C1QTNF6: variants seen among roughly 807,000 people sequenced by gnomAD.
The protein encoded by C1QTNF6 is C1q and TNF related 6.
A neutral mutation model predicts 20.7 loss-of-function variants in C1QTNF6; 17 were observed. That is an observed-to-expected ratio of 0.82 (90% CI 0.56 to 1.23). The LOEUF is 1.23. Ranked by LOEUF, C1QTNF6 falls within the 50% of genes most tolerant of loss-of-function variation. C1QTNF6 has a pLI of 0.00. For missense variants in C1QTNF6, 329 were observed against 389.7 expected (o/e 0.84, Z 1.31); for synonymous variants, 130 against 156.3 (o/e 0.83, Z 1.25).
chr22:37,189,968 T>C (rs1410973906), upstream of C1QTNF6, among the ~76,000 whole-genome samples: 1 of 152,216 alleles, frequency 6.6e-6, no homozygotes, highest in Admixed American at 6.5e-5. Flanking sequence ...ACGGAGTTGC[T>C]AGACGATTCC....
In C1QTNF6 at chr22:37,182,559, TG is replaced by T. The variant is rs1569062982; in HGVS notation, c.465del (p.His155GlnfsTer16). The T allele has an allele frequency of 1.2e-6, 2 of 1,614,178 alleles. No individual in the cohort carries two copies. Among genetic ancestry groups the T allele is most frequent in the Non-Finnish European group, 1.7e-6 (2 of 1,180,042 alleles). On this transcript the variant is annotated frameshift_variant, in exon 3 of 3. Transcript: ENST00000337843. LOFTEE classifies it high-confidence loss of function. ...AGCAGCGTCTGGAAGTCCTCGCCGCTGTGCAGGGCCGTCTTGCGGCCCACTG... is the reference window on the plus strand; with the variant it reads ...AGCAGCGTCTGGAAGTCCTCGCCGCTTGCAGGGCCGTCTTGCGGCCCACTG... ...AFSVGRKTALHSGEDFQTLLF... is the reference protein window; with the variant it reads ...AFSVGRKTALXSGEDFQTLLF...
intron 2 of C1QTNF6, among the ~76,000 whole-genome samples, chr22:37,193,903 G>C (rs1177687474): frequency 1.3e-5 from 2 of 152,228 alleles, no homozygotes; most frequent in Non-Finnish European, 2.9e-5. Flanking sequence ...AATTGAACCT[G>C]GGTCCCCAGT....
intron 1 of C1QTNF6, chr22:37,196,437 G>C (rs1049310468): frequency 6.6e-6 from 1 of 152,202 alleles, no homozygotes; most frequent in African/African-American, 2.4e-5. Context: ...GTGGGTTTTG[G>C]CTGGCTTGTT....
At chr22:37,198,891 G>T (rs555388953), upstream of C1QTNF6, among the ~76,000 whole-genome samples, 1 of 152,164 alleles carries the variant, frequency 6.6e-6, no homozygotes, top group Non-Finnish European at 1.5e-5. Flanking sequence ...CCGCCCAGGG[G>T]CCGGGGAAAG....
intron 2 of C1QTNF6, among the ~76,000 whole-genome samples, chr22:37,183,385 A>G (rs1319098626): frequency 6.6e-6 from 1 of 152,232 alleles, no homozygotes; most frequent in Non-Finnish European, 1.5e-5. Flanking sequence ...TCTGCAACTA[A>G]GAGGCAGAAC....
At chr22:37,196,621 G>C (rs1372628965) in intron 1 of C1QTNF6, 2 of 152,290 alleles carry the variant, frequency 1.3e-5, no homozygotes, top group East Asian at 1.9e-4. Context: ...CTGGTAGAGA[G>C]GAGCAAAGCC....
intron 1 of C1QTNF6, chr22:37,195,852 A>G (rs138596678): frequency 6.6e-6 from 1 of 152,318 alleles, no homozygotes; most frequent in African/African-American, 2.4e-5. Context: ...TTAGTGTATA[A>G]TGAGCAGTGA....
At chr22:37,193,388 C>T (rs5750394) in intron 2 of C1QTNF6, among the ~76,000 whole-genome samples, 32,085 of 151,868 alleles carry the variant, frequency 0.21, 3,496 homozygotes, top group Non-Finnish European at 0.23. Context: ...CTGAGAAGTC[C>T]CAGGCTATTA....
upstream of C1QTNF6, among the ~76,000 whole-genome samples, chr22:37,189,752 CT>C (rs1476585642): frequency 2.6e-5 from 4 of 152,192 alleles, no homozygotes; most frequent in Non-Finnish European, 5.9e-5. Context: ...ATCTTGCATT[CT>C]TACACAAAGA....
intron 2 of C1QTNF6, among the ~76,000 whole-genome samples, chr22:37,183,520 C>T (rs1169140306): frequency 2.6e-5 from 4 of 152,256 alleles, no homozygotes; most frequent in Admixed American, 2.6e-4. Flanking sequence ...ATAAGAAAAG[C>T]AGGTGACCAC....
chr22:37,191,751 C>A (rs192817133), upstream of C1QTNF6: 3 of 152,156 alleles, frequency 2.0e-5, no homozygotes, highest in East Asian at 5.8e-4. Flanking sequence ...ATTCAAAAGG[C>A]AAACAAAAAT....
In C1QTNF6 at chr22:37,181,511, A is replaced by C. The variant is rs2145754613; in HGVS notation, c.*677T>G. Reference sequence around the variant, plus strand: ...AAGACCAGCCTGGCCAATATGGTGAAACCCCATCTCTACTAAAAATACAAA... The same window carrying C: ...AAGACCAGCCTGGCCAATATGGTGACACCCCATCTCTACTAAAAATACAAA... On this transcript the variant is annotated 3_prime_UTR_variant, in exon 3 of 3. Coordinates refer to ENST00000337843, the MANE Select transcript of C1QTNF6 (RefSeq NM_031910.4). The C allele has an allele frequency of 6.6e-6, 1 of 152,362 alleles. No individual in the cohort carries two copies. The highest frequency in any genetic ancestry group is 2.4e-5 in the African/African-American group (1 of 41,556). The allele number at this position is 152,362 out of a possible 1,614,324, so 9.4% of individuals were successfully genotyped here.
intron 2 of C1QTNF6, chr22:37,183,038 A>G: frequency 1.5e-6 from 1 of 675,198 alleles, no homozygotes; most frequent in Non-Finnish European, 1.8e-6. Flanking sequence ...CTCACCCAGC[A>G]GGGAGGGTCC....
In C1QTNF6 at chr22:37,182,334, T is replaced by A; in HGVS notation, c.691A>T (p.Ser231Cys). Residue 231 changes from serine to cysteine, a missense_variant, in exon 3 of 3, where the codon AGC becomes TGC. Transcript: ENST00000337843. ...GCCAGGTCCAGCATCACACTCTGGC[T>A]CTGCATGATGCTGCGCTCGCTGGGC... is the stretch of plus-strand genomic sequence containing the variant. ...AQPSERSIMQ[S>C]QSVMLDLAYG... The A allele has an allele frequency of 6.2e-7, 1 of 1,614,234 alleles. No individual in the cohort carries two copies.
chr22:37,183,626 G>A lies in C1QTNF6; in HGVS notation c.290-891C>T, dbSNP rs554624824. 3.9e-5 allele frequency among the ~76,000 whole-genome samples: 6 copies of A among 152,374 alleles called. No individual in the cohort carries two copies. The East Asian group carries it at 1.2e-3, about 29-fold the overall frequency. On this transcript the variant is annotated intron_variant, in intron 2 of 2. Coordinates refer to ENST00000337843, the MANE Select transcript of C1QTNF6 (RefSeq NM_031910.4). ...ACCACATCCTTGCATGGGCTAGAAG[G>A]CCCTGTGTTTTCCACAGGGGGGGAA...
chr22:37,187,432 G>A (rs371615920), intron 1 of C1QTNF6, among the ~76,000 whole-genome samples: 2 of 152,160 alleles, frequency 1.3e-5, no homozygotes, highest in South Asian at 4.1e-4. Context: ...TAGTTTGCAA[G>A]CTGTGTGACC....
rs539587324 is a variant in C1QTNF6 at position 37,181,249 on chromosome 22, G to A, written c.*939C>T. 6.6e-6 allele frequency: 1 copy of A among 152,624 alleles called. No homozygotes were observed. The highest frequency in any genetic ancestry group is 1.9e-4 in the East Asian group (1 of 5,208). The allele number at this position is 152,624 out of a possible 1,614,324, so 9.5% of individuals were successfully genotyped here. On this transcript the variant is annotated 3_prime_UTR_variant, in exon 3 of 3. Transcript: ENST00000337843. ...GTGTCTGACCCCCTCACCCTTCCCG[G>A]GACCCAGCACAGAGTGAGTGCTCAG... is the stretch of plus-strand genomic sequence containing the variant.
chr22:37,186,043 AG>A, intron 1 of C1QTNF6: 1 of 985,544 alleles, frequency 1.0e-6, no homozygotes, highest in Non-Finnish European at 1.2e-6. Context: ...AGAACACCAT[AG>A]TTCTGAAAAA....
At chr22:37,189,943 G>T (rs1471972066), upstream of C1QTNF6, among the ~76,000 whole-genome samples, 1 of 152,196 alleles carries the variant, frequency 6.6e-6, no homozygotes, top group Non-Finnish European at 1.5e-5. Context: ...CACAGGAATT[G>T]CTAGATGAGC....
Sources: gnomAD v4.1 joint callset for allele counts (sites outside exome capture counted in the v4.1 genomes callset) on GRCh38, gnomAD v4.1.1 for gene constraint, MANE v1.5 for transcripts, NCBI Gene and HGNC (gene_info 2026-07-23, HGNC 2026-07-21) for gene names.